ANK3: variants seen among roughly 807,000 people sequenced by gnomAD.
ANK3 encodes ankyrin 3.
ANK3 carries 57 observed loss-of-function variants against 370.9 expected under a neutral mutation model. The ratio of observed to expected loss-of-function variants is 0.15; its 90% CI spans 0.12 to 0.19. ANK3 has a LOEUF of 0.19. Among genes scored for constraint, ANK3 ranks in the 10% least tolerant of loss-of-function variants. ANK3 has a pLI of 1.00. For synonymous variants in ANK3, 1,929 were observed against 1,946.3 expected (o/e 0.99, Z 0.23); for missense variants, 4,439 against 5,302.1 (o/e 0.84, Z 5.06).
intron 1 of ANK3, among the ~76,000 whole-genome samples, chr10:60,726,374 G>A (rs1156241209): frequency 6.6e-6 from 1 of 152,090 alleles, no homozygotes; most frequent in East Asian, 1.9e-4. Context: ...TCAGACATAA[G>A]GATATGAACA....
At position 60,160,148 on chromosome 10, in the gene ANK3, A is replaced by C. The variant is rs374835592; in HGVS notation, c.2614+6443T>G. Among the ~76,000 whole-genome samples, 9 of 136,750 alleles carry C rather than the reference A, an allele frequency of 6.6e-5. No homozygotes were observed. In the East Asian group the frequency reaches 2.0e-3, roughly 30 times the overall value. 89.7% of individuals were successfully genotyped at this position (136,750 alleles called of 152,430 possible). On this transcript the variant is annotated intron_variant, in intron 23 of 43. Coordinates refer to ENST00000280772, the MANE Select transcript of ANK3 (RefSeq NM_020987.5). ...AAAGTTGGTTTTTGAAAAGGTAATC[A>C]ATAAGCTTTTAACCAGACTAACTAA...
At chr10:60,534,634 C>T (rs1574466) in intron 2 of ANK3, among the ~76,000 whole-genome samples, 103,351 of 151,890 alleles carry the variant, frequency 0.68, 35,534 homozygotes, top group South Asian at 0.87. Context: ...ATACACAAAG[C>T]TTTCACTTCT....
chr10:60,376,011 G>A (rs117103999), intron 1 of ANK3, among the ~76,000 whole-genome samples: 13 of 152,258 alleles, frequency 8.5e-5, no homozygotes, highest in East Asian at 3.9e-4. Context: ...CCTTCATAGC[G>A]TCTCTTCATG....
chr10:60,606,746 C>T (rs1475686333), intron 2 of ANK3, among the ~76,000 whole-genome samples: 2 of 152,158 alleles, frequency 1.3e-5, no homozygotes, highest in East Asian at 1.9e-4. Context: ...CCTACCCAGC[C>T]GAGAAGTGGT....
chr10:60,462,584 C>G (rs76966533), intron 2 of ANK3, among the ~76,000 whole-genome samples: 1 of 140,664 alleles, frequency 7.1e-6, no homozygotes, highest in Non-Finnish European at 1.6e-5. Flanking sequence ...AAAAATTTAG[C>G]TTTTTTTTTT....
intron 2 of ANK3, among the ~76,000 whole-genome samples, chr10:60,595,431 A>G (rs550444556): frequency 2.6e-4 from 40 of 152,158 alleles, no homozygotes; most frequent in Non-Finnish European, 4.7e-4. Flanking sequence ...GCACTGAGTC[A>G]GTTCCTGGTT....
At chr10:60,493,556 T>A (rs1224432218) in intron 2 of ANK3, among the ~76,000 whole-genome samples, 1 of 152,058 alleles carries the variant, frequency 6.6e-6, no homozygotes, top group Non-Finnish European at 1.5e-5. Flanking sequence ...ATTGAGACTT[T>A]TAGGTAAAGA....
intron 24 of ANK3, among the ~76,000 whole-genome samples, chr10:60,137,544 C>G (rs547707901): frequency 6.6e-6 from 1 of 151,774 alleles, no homozygotes; most frequent in Non-Finnish European, 1.5e-5. Context: ...AAAATATTGG[C>G]TTTATAGATT....
In ANK3 at chr10:60,583,728, G is replaced by A. The variant is rs761901938; in HGVS notation, c.96+31458C>T. Among the ~76,000 whole-genome samples, 9 of 151,766 alleles carry A rather than the reference G, an allele frequency of 5.9e-5. No homozygotes were observed. The South Asian group carries it at 6.3e-4, about 11-fold the overall frequency. ...CTCCTGAGTAGCTGGGATTACAGGC[G>A]CATACTACCATGCCTGGCTAATTTT... On this transcript the variant is annotated intron_variant, in intron 2 of 43. Coordinates refer to the ANK3 transcript ENST00000373827.
chr10:60,154,265 AAT>A (rs1419538185), intron 23 of ANK3, among the ~76,000 whole-genome samples: 1 of 152,216 alleles, frequency 6.6e-6, no homozygotes, highest in Non-Finnish European at 1.5e-5. Flanking sequence ...CAAACCCTTG[AAT>A]CACCTGAGGG....
chr10:60,673,265 C>T (rs1016444581), intron 1 of ANK3, among the ~76,000 whole-genome samples: 4 of 152,052 alleles, frequency 2.6e-5, no homozygotes, highest in African/African-American at 9.7e-5. Flanking sequence ...ATTCCTTCTC[C>T]TTGACAAGCT....
chr10:60,684,234 G>T (rs757331691), intron 1 of ANK3, among the ~76,000 whole-genome samples: 1 of 152,158 alleles, frequency 6.6e-6, no homozygotes, highest in African/African-American at 2.4e-5. Context: ...CAGGCAGGGG[G>T]TGGGGTCTGT....
intron 16 of ANK3, among the ~76,000 whole-genome samples, chr10:60,190,553 G>A (rs545174719): frequency 2.0e-5 from 3 of 152,350 alleles, no homozygotes; most frequent in South Asian, 2.1e-4. Context: ...CCAGTGGGGT[G>A]TAAGGAGATG....
chr10:60,518,070 T>A (rs1468373413), intron 2 of ANK3, among the ~76,000 whole-genome samples: 1 of 152,100 alleles, frequency 6.6e-6, no homozygotes, highest in South Asian at 2.1e-4. Context: ...AAATACTGAA[T>A]AAATGTAGCC....
intron 21 of ANK3, among the ~76,000 whole-genome samples, chr10:60,171,144 C>G (rs1019467159): frequency 1.1e-4 from 17 of 152,166 alleles, no homozygotes; most frequent in African/African-American, 3.9e-4. Context: ...ATAAAATCCT[C>G]AAGAGGTGTA....
chr10:60,140,027 AGT>A (rs767985535), intron 23 of ANK3: 7 of 370,042 alleles, frequency 1.9e-5, no homozygotes, highest in Non-Finnish European at 2.9e-5. Context: ...AGATTGCAAA[AGT>A]GTACATGTTG....
chr10:60,217,608 C>A lies in ANK3; in HGVS notation c.898-4098G>T, dbSNP rs545637035. Among the ~76,000 whole-genome samples, 10 of 152,252 alleles carry A rather than the reference C, an allele frequency of 6.6e-5. No individual in the cohort carries two copies. In the East Asian group the frequency reaches 1.7e-3, roughly 26 times the overall value. On this transcript the variant is annotated intron_variant, in intron 8 of 43. Transcript: ENST00000280772. ...TTAATCCTGAGTTCTAATTTGATTG[C>A]ACTGTGGTCTGAGAGACTGTTGATT...
At chr10:60,431,353 C>T (rs1475091150) in intron 2 of ANK3, among the ~76,000 whole-genome samples, 3 of 152,110 alleles carry the variant, frequency 2.0e-5, no homozygotes, top group Non-Finnish European at 2.9e-5. Context: ...CTCTGAGACT[C>T]TAATGCCGCT....
intron 2 of ANK3, among the ~76,000 whole-genome samples, chr10:60,403,094 A>G (rs2063384694): frequency 6.6e-6 from 1 of 152,234 alleles, no homozygotes; most frequent in Admixed American, 6.5e-5. Context: ...GAAAATTTAG[A>G]TAAAATGAAT....
Sources: allele counts gnomAD v4.1 joint callset (sites outside exome capture counted in the v4.1 genomes callset), GRCh38; gene constraint gnomAD v4.1.1; transcripts MANE v1.5; gene names NCBI Gene and HGNC (gene_info 2026-07-23, HGNC 2026-07-21).